The following BNIP3L variants were observed in gnomAD, a reference collection of about 807,000 sequenced individuals.
The protein encoded by BNIP3L is BCL2/adenovirus E1B 19 kDa protein-interacting protein 3-like.
Under a neutral mutation model 25.5 loss-of-function variants are expected in BNIP3L, and 10 were observed. The observed-to-expected ratio is 0.39, with a 90% CI of 0.24 to 0.67. The LOEUF (loss-of-function observed/expected upper bound fraction) is 0.67. Among genes scored for constraint, BNIP3L ranks in the 30% least tolerant of loss-of-function variants. The pLI, the probability that BNIP3L is intolerant of heterozygous loss-of-function variation, is 0.45. For synonymous variants in BNIP3L, 113 were observed against 101.2 expected (o/e 1.12, Z -0.70); for missense variants, 215 against 270.9 (o/e 0.79, Z 1.45).
intron 5 of BNIP3L, among the ~76,000 whole-genome samples, chr8:26,409,797 G>GT (rs765396493): frequency 9.2e-5 from 14 of 152,170 alleles, no homozygotes; most frequent in South Asian, 4.1e-4. Flanking sequence ...GGTGAAGCTA[G>GT]TTACATACTT....
At chr8:26,395,159 A>T in intron 2 of BNIP3L, 71 bp from the exon 3 acceptor site, 2 of 1,509,744 alleles carry the variant, frequency 1.3e-6, no homozygotes, top group Non-Finnish European at 1.8e-6. Flanking sequence ...TAATTTTCTA[A>T]TTTCTAGTAG....
intron 1 of BNIP3L, among the ~76,000 whole-genome samples, chr8:26,383,769 C>G (rs963708370): frequency 6.6e-6 from 1 of 152,050 alleles, no homozygotes; most frequent in South Asian, 2.1e-4. Flanking sequence ...TGTTGCCACA[C>G]GTTTGTCAGG....
At chr8:26,404,680 G>A (rs1463056283) in intron 3 of BNIP3L, among the ~76,000 whole-genome samples, 1 of 152,140 alleles carries the variant, frequency 6.6e-6, no homozygotes, top group African/African-American at 2.4e-5. Context: ...GCTAATTTTT[G>A]TATTTTTAGT....
chr8:26,392,944 G>A lies in BNIP3L; in HGVS notation c.284+1518G>A, dbSNP rs542869761. 2.2e-4 allele frequency among the ~76,000 whole-genome samples: 34 copies of A among 152,114 alleles called. No individual in the cohort carries two copies. The South Asian group carries it at 3.1e-3, about 14-fold the overall frequency. On this transcript the variant is annotated intron_variant, in intron 2 of 5. Transcript: ENST00000380629. ...TACTTCATTTATGGTGCAGTTTTAC[G>A]TGTGACTGAATATGCCTTCACCCTC... is the stretch of plus-strand genomic sequence containing the variant.
intron 1 of BNIP3L, among the ~76,000 whole-genome samples, chr8:26,388,236 A>G (rs1563337469): frequency 6.6e-6 from 1 of 152,188 alleles, no homozygotes; most frequent in Non-Finnish European, 1.5e-5. Context: ...TTTTTCTATG[A>G]TATAGAATAT....
chr8:26,384,653 T>C (rs1805945981), intron 1 of BNIP3L, among the ~76,000 whole-genome samples: 1 of 151,964 alleles, frequency 6.6e-6, no homozygotes. Flanking sequence ...TAAATGGCCT[T>C]GTCCAAGTTC....
intron 1 of BNIP3L, among the ~76,000 whole-genome samples, chr8:26,385,503 T>C (rs2117461744): frequency 6.6e-6 from 1 of 151,126 alleles, no homozygotes; most frequent in East Asian, 2.0e-4. Flanking sequence ...TTCAGGCGGC[T>C]GAGGCAGGAG....
chr8:26,401,626 C>T (rs1368042089), intron 3 of BNIP3L, among the ~76,000 whole-genome samples: 1 of 137,506 alleles, frequency 7.3e-6, no homozygotes, highest in African/African-American at 2.7e-5. Flanking sequence ...AAAAAAAGAC[C>T]ACAGAATAAA....
In BNIP3L at chr8:26,411,860, G is replaced by A. The variant is rs567165396; in HGVS notation, c.*1448G>A. On this transcript the variant is annotated 3_prime_UTR_variant, in exon 6 of 6. Coordinates refer to ENST00000380629, the MANE Select transcript of BNIP3L (RefSeq NM_004331.3). Reference sequence around the variant, plus strand: ...ATTGATATTGACTATTTAGAGAACCGTTGTTAATTTTAAAACTAGCAATCT... The same window carrying A: ...ATTGATATTGACTATTTAGAGAACCATTGTTAATTTTAAAACTAGCAATCT... The A allele has an allele frequency of 1.3e-5, 2 of 152,604 alleles. No homozygotes were observed. Among genetic ancestry groups the A allele is most frequent in the South Asian group, 2.1e-4 (1 of 4,820 alleles). The allele number at this position is 152,604 out of a possible 1,614,324, so 9.5% of individuals were successfully genotyped here.
At chr8:26,403,114 A>G (rs1372842719) in intron 3 of BNIP3L, among the ~76,000 whole-genome samples, 1 of 152,188 alleles carries the variant, frequency 6.6e-6, no homozygotes, top group Non-Finnish European at 1.5e-5. Flanking sequence ...GCTATCATCA[A>G]GAGGAGGTAC....
At position 26,408,227 on chromosome 8, in the gene BNIP3L, G is replaced by A; in HGVS notation, c.462G>A (p.Lys154=). Residue 154 remains lysine, a splice_region_variant and synonymous_variant, in exon 5 of 6, where the codon AAG becomes AAA. Coordinates refer to ENST00000380629, the MANE Select transcript of BNIP3L (RefSeq NM_004331.3). ...WSSRPENIPP[K]EFHFRHPKRS... ...ATCTGCCTCTGAATTTCTTTCTCAGGGAGTTCCACTTCAGACACCCTAAAC... is the reference window on the plus strand; with the variant it reads ...ATCTGCCTCTGAATTTCTTTCTCAGAGAGTTCCACTTCAGACACCCTAAAC... The A allele has an allele frequency of 6.2e-7, 1 of 1,613,210 alleles. No individual in the cohort carries two copies. The highest frequency in any genetic ancestry group is 1.3e-5 in the African/African-American group (1 of 75,008).
intron 3 of BNIP3L, 179 bp downstream of exon 3, chr8:26,395,481 G>A (rs1338551683): frequency 9.7e-6 from 6 of 620,466 alleles, no homozygotes; most frequent in Non-Finnish European, 1.6e-5. Context: ...TACAACTAAG[G>A]ATTTTGGGCC....
At chr8:26,387,292 A>G (rs78270659) in intron 1 of BNIP3L, among the ~76,000 whole-genome samples, 3 of 152,164 alleles carry the variant, frequency 2.0e-5, no homozygotes, top group Non-Finnish European at 4.4e-5. Context: ...ATTCCCAAAA[A>G]CCCAAACCAG....
intron 3 of BNIP3L, among the ~76,000 whole-genome samples, chr8:26,403,687 C>T (rs1310610007): frequency 6.6e-6 from 1 of 152,078 alleles, no homozygotes; most frequent in Non-Finnish European, 1.5e-5. Context: ...CAGGCTCACA[C>T]TGCCACGCCT....
intron 1 of BNIP3L, chr8:26,390,523 T>C (rs1334061172): frequency 6.1e-6 from 6 of 985,262 alleles, no homozygotes; most frequent in Non-Finnish European, 7.2e-6. Context: ...ACAAGGTATG[T>C]TTAGTGTATA....
intron 2 of BNIP3L, 132 bp downstream of exon 2, chr8:26,391,558 T>C (rs1806112699): frequency 4.3e-6 from 3 of 693,260 alleles, no homozygotes; most frequent in South Asian, 6.3e-5. Context: ...TAGTATAATA[T>C]ATATTGCACA....
At chr8:26,395,419 GT>G (rs1806211532) in intron 3 of BNIP3L, 117 bp downstream of exon 3, 2 of 1,132,370 alleles carry the variant, frequency 1.8e-6, no homozygotes, top group Admixed American at 5.1e-5. Context: ...CTATTATTGA[GT>G]TTCTGATTTT....
chr8:26,388,608 A>T lies in BNIP3L; in HGVS notation c.101-2635A>T, dbSNP rs3779917. ...TTCAGGTTCCAAAAGTATATATTGG[A>T]TTATGATTGCTTATGTGTTTTTAAT... On this transcript the variant is annotated intron_variant, in intron 1 of 5. Coordinates refer to ENST00000380629, the MANE Select transcript of BNIP3L (RefSeq NM_004331.3). Among the ~76,000 whole-genome samples, 1,108 of 152,228 alleles carry T rather than the reference A, an allele frequency of 7.3e-3. 51 individuals are homozygous for T. The East Asian group carries it at 0.14, about 20-fold the overall frequency.
intron 3 of BNIP3L, among the ~76,000 whole-genome samples, chr8:26,406,456 C>T (rs1489923239): frequency 2.0e-5 from 3 of 152,050 alleles, no homozygotes; most frequent in Non-Finnish European, 4.4e-5. Context: ...TAATCTATGT[C>T]TCAGTCTCCT....
Sources: allele counts gnomAD v4.1 joint callset (sites outside exome capture counted in the v4.1 genomes callset), GRCh38; gene constraint gnomAD v4.1.1; transcripts MANE v1.5; gene names NCBI Gene and HGNC (gene_info 2026-07-23, HGNC 2026-07-21).